Variants in SEC24B observed in about 807,000 individuals in gnomAD.
SEC24B encodes SEC24 homolog B, COPII component.
In SEC24B, 45 loss-of-function variants were observed where a neutral mutation model predicts 142.8. The observed-to-expected ratio is 0.32, with a 90% confidence interval of 0.25 to 0.40. The LOEUF is 0.40. SEC24B is among the 10% of genes least tolerant of loss of function. SEC24B has a pLI of 1.00. For synonymous variants in SEC24B, 574 were observed against 568.2 expected (o/e 1.01, Z -0.15); for missense variants, 1,409 against 1,526.8 (o/e 0.92, Z 1.29).
intron 12 of SEC24B, 62 bp from the exon 13 acceptor site, chr4:109,521,055 T>C: frequency 9.3e-7 from 1 of 1,078,298 alleles, no homozygotes; most frequent in Non-Finnish European, 1.4e-6. Flanking sequence ...TGATAAAAAC[T>C]AAGATTTTCT....
At chr4:109,481,149 G>A (rs1324072341) in intron 3 of SEC24B, among the ~76,000 whole-genome samples, 2 of 151,970 alleles carry the variant, frequency 1.3e-5, no homozygotes, top group African/African-American at 2.4e-5. Context: ...TGTTAGCAGA[G>A]AACTATGCCG....
intron 20 of SEC24B, 36 bp from the exon 21 acceptor site, chr4:109,532,603 T>C (rs1450623381): frequency 8.1e-6 from 12 of 1,487,954 alleles, no homozygotes; most frequent in Admixed American, 1.7e-5. Flanking sequence ...ATGATAGTAA[T>C]GTAATCTCAT....
chr4:109,524,702 A>G (rs1238370936), intron 14 of SEC24B, 116 bp from the exon 15 acceptor site: 5 of 858,438 alleles, frequency 5.8e-6, no homozygotes, highest in Non-Finnish European at 8.7e-6. Flanking sequence ...ATGCCTAGAC[A>G]TTTAGAAAAC....
chr4:109,531,803 G>T (rs1344226141), intron 20 of SEC24B, among the ~76,000 whole-genome samples: 1 of 152,134 alleles, frequency 6.6e-6, no homozygotes, highest in African/African-American at 2.4e-5. Context: ...CTAAGTTGTA[G>T]AGTGGACATT....
intron 1 of SEC24B, among the ~76,000 whole-genome samples, chr4:109,437,133 G>A (rs1340370834): frequency 1.3e-5 from 2 of 152,164 alleles, no homozygotes; most frequent in Non-Finnish European, 2.9e-5. Context: ...TGTGGGATCC[G>A]AGTCTAACTT....
chr4:109,480,266 T>C (rs1238530119), intron 3 of SEC24B, among the ~76,000 whole-genome samples: 1 of 152,042 alleles, frequency 6.6e-6, no homozygotes, highest in Admixed American at 6.5e-5. Context: ...TCAAGTATGC[T>C]AGTCACCTGA....
intron 18 of SEC24B, among the ~76,000 whole-genome samples, chr4:109,529,875 A>C (rs966058663): frequency 3.3e-5 from 5 of 152,162 alleles, no homozygotes; most frequent in African/African-American, 1.2e-4. Context: ...CTGGGACTAC[A>C]GGCACGTGCC....
intron 22 of SEC24B, among the ~76,000 whole-genome samples, chr4:109,534,612 G>T (rs1725304677): frequency 6.6e-6 from 1 of 152,092 alleles, no homozygotes; most frequent in South Asian, 2.1e-4. Context: ...ATTAAAATGG[G>T]TAAGGCCTTT....
chr4:109,462,348 G>A (rs1731349671), intron 1 of SEC24B, among the ~76,000 whole-genome samples: 1 of 152,212 alleles, frequency 6.6e-6, no homozygotes, highest in African/African-American at 2.4e-5. Context: ...CTTGGGAGCA[G>A]CCTAGCTAGG....
chr4:109,488,401 T>C (rs1042346880), intron 4 of SEC24B, among the ~76,000 whole-genome samples: 4 of 152,124 alleles, frequency 2.6e-5, no homozygotes, highest in Non-Finnish European at 4.4e-5. Context: ...TCTTTTAACA[T>C]AATGTTTTCA....
At chr4:109,506,686 A>T (rs1404214700) in intron 7 of SEC24B, among the ~76,000 whole-genome samples, 174 bp downstream of exon 7, 5 of 152,036 alleles carry the variant, frequency 3.3e-5, no homozygotes, top group Non-Finnish European at 7.4e-5. Flanking sequence ...TTTTGTTCCC[A>T]TCTCTGTCTC....
chr4:109,487,331 T>C (rs1220571205), intron 4 of SEC24B, among the ~76,000 whole-genome samples: 1 of 152,256 alleles, frequency 6.6e-6, no homozygotes, highest in South Asian at 2.1e-4. Context: ...AAATTATGGC[T>C]AACAGACATA....
At chr4:109,453,601 C>G (rs1168155894) in intron 1 of SEC24B, among the ~76,000 whole-genome samples, 1 of 152,100 alleles carries the variant, frequency 6.6e-6, no homozygotes, top group Non-Finnish European at 1.5e-5. Flanking sequence ...TCCCTTGTTC[C>G]TGAAAATCGC....
intron 1 of SEC24B, among the ~76,000 whole-genome samples, chr4:109,442,395 A>G (rs1426154062): frequency 6.6e-6 from 1 of 152,186 alleles, no homozygotes; most frequent in African/African-American, 2.4e-5. Flanking sequence ...AACAAAGATA[A>G]TTGTTAAAAT....
At chr4:109,485,273 C>A (rs1244715882) in intron 4 of SEC24B, among the ~76,000 whole-genome samples, 2 of 152,350 alleles carry the variant, frequency 1.3e-5, no homozygotes, top group East Asian at 3.9e-4. Flanking sequence ...CAGAAATAAT[C>A]AACTCTATTT....
intron 8 of SEC24B, among the ~76,000 whole-genome samples, chr4:109,510,803 CT>C (rs1372605274): frequency 6.6e-6 from 1 of 151,886 alleles, no homozygotes; most frequent in East Asian, 1.9e-4. Context: ...CTGTCTCAAA[CT>C]TTTTTTTACT....
Position 109,463,566 on chromosome 4 carries a change from C to T in SEC24B, c.799C>T (p.Leu267Phe). 2 of 1,614,202 alleles carry T rather than the reference C, an allele frequency of 1.2e-6. No homozygotes were observed. The highest frequency in any genetic ancestry group is 1.3e-5 in the African/African-American group (1 of 75,052). The change falls in exon 2 of 24, where the codon CTT becomes TTT. Residue 267 changes from leucine (L) to phenylalanine (F), a missense_variant. This residue lies in a region of SEC24B where 709 missense variants were observed against 673.5 expected (regional missense o/e 1.05). Transcript: ENST00000265175. ...TACTCTAACGTGGTCATCTCCAGGC[C>T]TTCCATCGACTCAAGACAATCTCAT... ...YSTLTWSSPG[L>F]PSTQDNLIRN...
At position 109,463,465 on chromosome 4, in the gene SEC24B, C is replaced by T. The variant is rs780497608; in HGVS notation, c.698C>T (p.Ala233Val). 6.2e-7 allele frequency: 1 copy of T among 1,614,200 alleles called. No homozygotes were observed. Among genetic ancestry groups the T allele is most frequent in the East Asian group, 2.2e-5 (1 of 44,886 alleles). ...AATTCATTCTCTGGTCAAAATACAG[C>T]TATCAGCCATCCATCGCCACTTCCA... ...KDNSFSGQNT[A>V]ISHPSPLPPL... The change falls in exon 2 of 24, where the codon GCT becomes GTT. Residue 233 changes from alanine to valine, a missense_variant. This residue lies in a region of SEC24B where 709 missense variants were observed against 673.5 expected (regional missense o/e 1.05). Transcript: ENST00000265175.
At chr4:109,483,003 C>CACACACACACAT (rs1408633373) in intron 4 of SEC24B, among the ~76,000 whole-genome samples, 3 of 84,082 alleles carry the variant, frequency 3.6e-5, no homozygotes, top group African/African-American at 1.6e-4. Context: ...CACACACACA[C>CACACACACACAT]ATATTATACA....
Sources: gnomAD v4.1 joint callset for allele counts (sites outside exome capture counted in the v4.1 genomes callset) on GRCh38, gnomAD v4.1.1 for gene constraint, gnomAD v4.1.1 regional missense constraint, MANE v1.5 for transcripts, NCBI Gene and HGNC (gene_info 2026-07-23, HGNC 2026-07-21) for gene names.